Variants in MAGI2 observed in about 807,000 individuals in gnomAD.
The protein encoded by MAGI2 is membrane associated guanylate kinase, WW and PDZ domain containing 2.
In MAGI2, 35 loss-of-function variants were observed where a neutral mutation model predicts 133.3. The ratio of observed to expected loss-of-function variants is 0.26; its 90% CI spans 0.20 to 0.35. The LOEUF (loss-of-function observed/expected upper bound fraction) is 0.35. MAGI2 is among the 10% of genes least tolerant of loss of function. The pLI, the probability that MAGI2 is intolerant of heterozygous loss-of-function variation, is 1.00. For synonymous variants in MAGI2, 729 were observed against 710.6 expected (o/e 1.03, Z -0.41); for missense variants, 1,636 against 1,863.4 (o/e 0.88, Z 2.25).
At chr7:78,224,346 C>T (rs1275468999) in intron 10 of MAGI2, among the ~76,000 whole-genome samples, 1 of 152,178 alleles carries the variant, frequency 6.6e-6, no homozygotes, top group African/African-American at 2.4e-5. Flanking sequence ...TTCGTACTCA[C>T]TTAGTTTTAC....
intron 2 of MAGI2, among the ~76,000 whole-genome samples, chr7:78,818,728 A>G (rs964406082): frequency 3.3e-5 from 5 of 152,128 alleles, no homozygotes; most frequent in Non-Finnish European, 5.9e-5. Context: ...GTCTTACTAC[A>G]GAGTGTGACT....
At chr7:79,190,963 G>A (rs148052675) in intron 1 of MAGI2, among the ~76,000 whole-genome samples, 7 of 151,718 alleles carry the variant, frequency 4.6e-5, no homozygotes, top group Admixed American at 3.3e-4. Context: ...AAATACCAAC[G>A]TAATCATACA....
intron 2 of MAGI2, among the ~76,000 whole-genome samples, chr7:78,775,320 T>TAAAAAAAAAAAAAAAAAAAAA (rs3086258): frequency 1.6e-4 from 9 of 57,358 alleles, no homozygotes; most frequent in Non-Finnish European, 2.5e-4. Flanking sequence ...CGTCTCAAAT[T>TAAAAAAAAAAAAAAAAAAAAA]AAAAAAAAAA....
At chr7:79,452,917 C>T in intron 1 of MAGI2, 103 bp downstream of exon 1, 2 of 1,313,174 alleles carry the variant, frequency 1.5e-6, no homozygotes, top group Non-Finnish European at 1.0e-6. Flanking sequence ...ACCCCATCAT[C>T]GCGCAACACA....
intron 1 of MAGI2, among the ~76,000 whole-genome samples, chr7:79,129,236 A>G (rs528494067): frequency 1.3e-5 from 2 of 152,166 alleles, no homozygotes; most frequent in Non-Finnish European, 2.9e-5. Context: ...CACGAAGCCT[A>G]TTTTATAATA....
intron 6 of MAGI2, among the ~76,000 whole-genome samples, chr7:78,408,010 G>A (rs1397209646): frequency 6.6e-6 from 1 of 152,106 alleles, no homozygotes; most frequent in African/African-American, 2.4e-5. Flanking sequence ...AGAAGGGATA[G>A]TCTAACTTTT....
At chr7:78,476,289 A>T (rs182672178) in intron 6 of MAGI2, among the ~76,000 whole-genome samples, 58 of 152,126 alleles carry the variant, frequency 3.8e-4, no homozygotes, top group African/African-American at 1.4e-3. Flanking sequence ...GGTTGAGAGT[A>T]AATCAGCCTC....
intron 6 of MAGI2, among the ~76,000 whole-genome samples, chr7:78,429,252 C>T (rs1051301602): frequency 1.3e-5 from 2 of 150,048 alleles, no homozygotes; most frequent in Non-Finnish European, 3.0e-5. Context: ...ATCAGAACTC[C>T]CATCCCCTCC....
chr7:78,580,428 C>T (rs569537455), intron 3 of MAGI2, among the ~76,000 whole-genome samples: 2 of 152,276 alleles, frequency 1.3e-5, no homozygotes, highest in African/African-American at 4.8e-5. Context: ...GAACAACTCA[C>T]AAATGTTATC....
chr7:78,326,687 TA>T lies in MAGI2; in HGVS notation c.1408+17090del, dbSNP rs558657405. Among the ~76,000 whole-genome samples, 535 of 152,330 alleles carry T rather than the reference TA, an allele frequency of 3.5e-3. 1 individual carries two copies. Among genetic ancestry groups the T allele is most frequent in the Middle Eastern group, 0.01 (3 of 294 alleles). ...ATATAAGATAGTATTTTTTACCAAT[TA>T]CTACTTTCATTCCTTTTCCCCATTC... On this transcript the variant is annotated intron_variant, in intron 9 of 21. Transcript: ENST00000354212.
At chr7:79,132,900 A>C (rs767214529) in intron 1 of MAGI2, among the ~76,000 whole-genome samples, 18 of 152,138 alleles carry the variant, frequency 1.2e-4, no homozygotes, top group Non-Finnish European at 2.2e-4. Context: ...TCTGATGATT[A>C]GTGATGCTGA....
At position 78,627,353 on chromosome 7, in the gene MAGI2, G is replaced by C. The variant is rs1025897699; in HGVS notation, c.419-114C>G. 7.9e-6 allele frequency: 8 copies of C among 1,006,322 alleles called. No homozygotes were observed. In the African/African-American group the frequency reaches 1.0e-4, roughly 13 times the overall value. The allele number at this position is 1,006,322 out of a possible 1,614,324, so 62.3% of individuals were successfully genotyped here. The stretch of plus-strand genomic sequence containing the variant: ...TGCCACTTGTTTGTACATCCTGCAA[G>C]TTGGCAGTTTGCATTTGTCCTTCTG... On this transcript the variant is annotated intron_variant, in intron 2 of 21. Transcript: ENST00000354212.
intron 9 of MAGI2, among the ~76,000 whole-genome samples, chr7:78,271,999 A>G (rs759132354): frequency 1.6e-4 from 25 of 151,702 alleles, no homozygotes; most frequent in South Asian, 1.0e-3. Flanking sequence ...TTGAGTTTGT[A>G]TGTTCTTGCT....
chr7:78,837,958 G>A lies in MAGI2; in HGVS notation c.418+169132C>T, dbSNP rs540928551. On this transcript the variant is annotated intron_variant, in intron 2 of 21. Transcript: ENST00000354212. ...CAGCCATTGAAAAACAACTGCTTCA[G>A]AGTCCTAGCCTTTTAGCTGGGTACT... 1.6e-4 allele frequency among the ~76,000 whole-genome samples: 25 copies of A among 152,218 alleles called. No individual in the cohort carries two copies. The South Asian group carries it at 5.2e-3, about 32-fold the overall frequency.
intron 9 of MAGI2, chr7:78,285,946 G>C (rs1019638130): frequency 3.9e-5 from 6 of 152,088 alleles, no homozygotes; most frequent in Non-Finnish European, 7.4e-5. Flanking sequence ...TCTGGGACTG[G>C]AATGGAGGCA....
intron 1 of MAGI2, among the ~76,000 whole-genome samples, chr7:79,444,267 C>CCT (rs1010643852): frequency 6.6e-6 from 1 of 152,128 alleles, no homozygotes; most frequent in Non-Finnish European, 1.5e-5. Context: ...ACAGGGATGC[C>CCT]CTCTCTCACC....
chr7:79,321,161 T>A (rs1389664261), intron 1 of MAGI2, among the ~76,000 whole-genome samples: 1 of 152,176 alleles, frequency 6.6e-6, no homozygotes, highest in Non-Finnish European at 1.5e-5. Flanking sequence ...AGATGTTTTA[T>A]ATTCACTTAA....
At chr7:78,179,700 C>G (rs1827006092) in intron 13 of MAGI2, among the ~76,000 whole-genome samples, 1 of 152,154 alleles carries the variant, frequency 6.6e-6, no homozygotes, top group South Asian at 2.1e-4. Flanking sequence ...GAAGAATAAC[C>G]AGTTAGACCT....
intron 1 of MAGI2, among the ~76,000 whole-genome samples, chr7:79,014,044 A>C (rs1808444862): frequency 6.6e-6 from 1 of 152,218 alleles, no homozygotes; most frequent in African/African-American, 2.4e-5. Flanking sequence ...GTTTTGTATA[A>C]GAAATGGAAT....
Sources: allele counts gnomAD v4.1 joint callset (sites outside exome capture counted in the v4.1 genomes callset), GRCh38; gene constraint gnomAD v4.1.1; transcripts MANE v1.5; gene names NCBI Gene and HGNC (gene_info 2026-07-23, HGNC 2026-07-21).